Variants in CCDC178 observed in about 807,000 individuals in gnomAD.
The protein encoded by CCDC178 is coiled-coil domain containing 178.
In CCDC178, 126 loss-of-function variants were observed where a neutral mutation model predicts 117.4. The ratio of observed to expected loss-of-function variants is 1.07; its 90% CI spans 0.93 to 1.24. CCDC178 has a LOEUF of 1.24. Ranked by LOEUF, CCDC178 falls within the 50% of genes most tolerant of loss-of-function variation. The pLI is 0.00. For synonymous variants in CCDC178, 283 were observed against 313.4 expected, an observed-to-expected ratio of 0.90 and a Z score of 1.02; for missense variants, 1,030 against 986.9, an observed-to-expected ratio of 1.04 and a Z score of -0.59.
At chr18:33,423,292 A>G (rs2064057441) in intron 2 of CCDC178, among the ~76,000 whole-genome samples, 1 of 152,172 alleles carries the variant, frequency 6.6e-6, no homozygotes, top group Non-Finnish European at 1.5e-5. Context: ...TATTTTTACC[A>G]CATGTATGTC....
intron 20 of CCDC178, among the ~76,000 whole-genome samples, chr18:33,182,953 G>C (rs1216588259): frequency 4.0e-5 from 6 of 151,898 alleles, no homozygotes; most frequent in Non-Finnish European, 8.8e-5. Flanking sequence ...ATGAATCTCA[G>C]TTTTTATTAC....
rs146427449 is a variant in CCDC178 at position 32,996,348 on chromosome 18, T to C, written c.2389-21667A>G. On this transcript the variant is annotated intron_variant, in intron 21 of 22. Transcript: ENST00000383096. The stretch of plus-strand genomic sequence containing the variant: ...ATCCCTACATTATATACAAAGACTT[T>C]ATAATGTACAAAAAATGCTTAATGA... 3.2e-4 allele frequency among the ~76,000 whole-genome samples: 48 copies of C among 152,038 alleles called. No homozygotes were observed. In the East Asian group the frequency reaches 8.5e-3, roughly 27 times the overall value.
chr18:33,169,023 A>C (rs2058566478), intron 20 of CCDC178, among the ~76,000 whole-genome samples: 1 of 152,060 alleles, frequency 6.6e-6, no homozygotes, highest in Non-Finnish European at 1.5e-5. Context: ...TTTTTTTAAC[A>C]TCTGGATAGA....
intron 20 of CCDC178, among the ~76,000 whole-genome samples, chr18:33,150,772 T>C (rs1284843840): frequency 6.6e-6 from 1 of 152,206 alleles, no homozygotes; most frequent in Admixed American, 6.5e-5. Context: ...AATCCAGCAC[T>C]ACTGGGTATC....
At chr18:33,366,425 G>C (rs2063208149) in intron 6 of CCDC178, among the ~76,000 whole-genome samples, 1 of 151,960 alleles carries the variant, frequency 6.6e-6, no homozygotes, top group African/African-American at 2.4e-5. Context: ...AGAGTCATAA[G>C]ACATGAGATA....
intron 20 of CCDC178, among the ~76,000 whole-genome samples, chr18:33,155,334 T>C (rs1434967795): frequency 6.6e-6 from 1 of 152,108 alleles, no homozygotes; most frequent in Non-Finnish European, 1.5e-5. Flanking sequence ...GATAAAAATA[T>C]TAAAATATGT....
At chr18:33,127,450 T>G (rs964520428) in intron 20 of CCDC178, among the ~76,000 whole-genome samples, 1 of 152,168 alleles carries the variant, frequency 6.6e-6, no homozygotes, top group African/African-American at 2.4e-5. Context: ...TTGTTTGTTT[T>G]TTTGAGATGG....
intron 12 of CCDC178, among the ~76,000 whole-genome samples, chr18:33,271,033 A>G (rs552051542): frequency 6.6e-6 from 1 of 151,550 alleles, no homozygotes; most frequent in Non-Finnish European, 1.5e-5. Context: ...GTTAGTATTA[A>G]TCCAAAATAA....
intron 20 of CCDC178, among the ~76,000 whole-genome samples, chr18:33,196,568 T>G (rs1256253239): frequency 6.6e-6 from 1 of 152,146 alleles, no homozygotes; most frequent in African/African-American, 2.4e-5. Context: ...GTGTCTGAAG[T>G]GAGGGCAGTC....
rs2063545900 is a variant in CCDC178, at chr18:33,390,040, CTTAA to C, written c.119-415_119-412del. Among the ~76,000 whole-genome samples, 8 of 148,288 alleles carry C rather than the reference CTTAA, an allele frequency of 5.4e-5. No individual in the cohort carries two copies. The South Asian group carries it at 1.7e-3, about 31-fold the overall frequency. ...TATACATATATATACTATTATATAT[CTTAA>C]TTATGTTAACTATTGATATGTAGGA... On this transcript the variant is annotated intron_variant, in intron 4 of 22. Coordinates refer to ENST00000383096, the MANE Select transcript of CCDC178 (RefSeq NM_001105528.4).
At chr18:33,028,391 C>A (rs2056270187) in intron 21 of CCDC178, among the ~76,000 whole-genome samples, 1 of 151,714 alleles carries the variant, frequency 6.6e-6, no homozygotes, top group South Asian at 2.1e-4. Flanking sequence ...TGAACAACTT[C>A]TTTAAGTAAT....
intron 12 of CCDC178, among the ~76,000 whole-genome samples, chr18:33,281,224 C>T (rs1039579324): frequency 6.6e-6 from 1 of 151,926 alleles, no homozygotes; most frequent in African/African-American, 2.4e-5. Flanking sequence ...TAAATATGTG[C>T]TATTTATTGC....
At chr18:33,439,135 G>A (rs773375713) in intron 2 of CCDC178, among the ~76,000 whole-genome samples, 1 of 152,364 alleles carries the variant, frequency 6.6e-6, no homozygotes, top group African/African-American at 2.4e-5. Context: ...GGGAATTTAT[G>A]AGTCCAGTGC....
chr18:33,294,532 T>C (rs2062081840), intron 11 of CCDC178, among the ~76,000 whole-genome samples: 1 of 152,196 alleles, frequency 6.6e-6, no homozygotes, highest in African/African-American at 2.4e-5. Flanking sequence ...GCACCAACCC[T>C]GATTCCAGCA....
intron 20 of CCDC178, among the ~76,000 whole-genome samples, chr18:33,106,992 T>TATTTG (rs2057715618): frequency 6.6e-6 from 1 of 151,700 alleles, no homozygotes; most frequent in African/African-American, 2.4e-5. Flanking sequence ...AATTGAATTC[T>TATTTG]GTGAACAATC....
intron 9 of CCDC178, among the ~76,000 whole-genome samples, chr18:33,335,769 T>C (rs552820731): frequency 6.6e-5 from 10 of 152,142 alleles, no homozygotes; most frequent in South Asian, 2.1e-4. Flanking sequence ...TTGAAATGTA[T>C]CAAACACTTA....
chr18:33,226,495 C>A (rs184065310), intron 16 of CCDC178, among the ~76,000 whole-genome samples: 4 of 152,158 alleles, frequency 2.6e-5, no homozygotes, highest in Non-Finnish European at 5.9e-5. Context: ...CATAACATCA[C>A]CACAAAGCAA....
At chr18:33,061,196 T>G (rs2144961614) in intron 21 of CCDC178, among the ~76,000 whole-genome samples, 1 of 152,204 alleles carries the variant, frequency 6.6e-6, no homozygotes, top group African/African-American at 2.4e-5. Flanking sequence ...TTTCACTAAT[T>G]TAATTTTTAA....
At chr18:33,045,722 C>T (rs976775547) in intron 21 of CCDC178, among the ~76,000 whole-genome samples, 4 of 152,068 alleles carry the variant, frequency 2.6e-5, no homozygotes, top group South Asian at 4.1e-4. Flanking sequence ...CTTACAAAGC[C>T]GAAGCATTGC....
Sources: allele counts gnomAD v4.1 joint callset (sites outside exome capture counted in the v4.1 genomes callset), GRCh38; gene constraint gnomAD v4.1.1; transcripts MANE v1.5; gene names NCBI Gene and HGNC (gene_info 2026-07-23, HGNC 2026-07-21).